The following PTPRD variants were observed in gnomAD, a reference collection of about 807,000 sequenced individuals.
PTPRD encodes the protein receptor-type tyrosine-protein phosphatase delta.
PTPRD carries 34 observed loss-of-function variants against 214.5 expected under a neutral mutation model. The observed-to-expected ratio is 0.16, with a 90% CI of 0.12 to 0.21. PTPRD has a LOEUF of 0.21. Among genes scored for constraint, PTPRD ranks in the 10% least tolerant of loss-of-function variants. PTPRD has a pLI of 1.00. For missense variants in PTPRD, 2,545 were observed against 2,398.7 expected (o/e 1.06, Z -1.27); for synonymous variants, 1,128 against 845.7 (o/e 1.33, Z -5.79).
intron 8 of PTPRD, among the ~76,000 whole-genome samples, chr9:9,561,868 T>C (rs879551397): frequency 6.6e-6 from 1 of 152,218 alleles, no homozygotes; most frequent in Non-Finnish European, 1.5e-5. Context: ...GAATGGCCCA[T>C]GGCTCAGACT....
intron 11 of PTPRD, among the ~76,000 whole-genome samples, chr9:8,928,762 A>ATC: frequency 6.6e-6 from 1 of 152,188 alleles, no homozygotes; most frequent in Non-Finnish European, 1.5e-5. Context: ...AAAGCACTGA[A>ATC]TCTATAAATT....
At chr9:8,953,566 A>G (rs1451876782) in intron 11 of PTPRD, among the ~76,000 whole-genome samples, 1 of 152,070 alleles carries the variant, frequency 6.6e-6, no homozygotes, top group East Asian at 1.9e-4. Flanking sequence ...GACAACCTAC[A>G]GAGTGGGAGA....
intron 9 of PTPRD, among the ~76,000 whole-genome samples, chr9:9,280,393 A>G (rs1947256516): frequency 1.3e-5 from 2 of 151,332 alleles, no homozygotes; most frequent in African/African-American, 4.8e-5. Flanking sequence ...ATAATCTACA[A>G]AAAAACTCTT....
chr9:9,476,726 A>AT (rs1488393718), intron 8 of PTPRD, among the ~76,000 whole-genome samples: 1 of 152,002 alleles, frequency 6.6e-6, no homozygotes, highest in Non-Finnish European at 1.5e-5. Flanking sequence ...CAAAGCACTG[A>AT]TTTTTATTTT....
intron 5 of PTPRD, among the ~76,000 whole-genome samples, chr9:9,856,589 C>T (rs1005919662): frequency 6.7e-6 from 1 of 149,652 alleles, no homozygotes; most frequent in Non-Finnish European, 1.5e-5. Flanking sequence ...TGACAATTCC[C>T]AGCAATCAGA....
intron 11 of PTPRD, among the ~76,000 whole-genome samples, chr9:8,881,214 C>A (rs925852067): frequency 8.5e-5 from 13 of 152,176 alleles, no homozygotes; most frequent in African/African-American, 2.4e-4. Context: ...TATTTGTTCC[C>A]TGATCTCACA....
At chr9:8,836,935 T>C (rs955304995) in intron 11 of PTPRD, among the ~76,000 whole-genome samples, 1 of 151,574 alleles carries the variant, frequency 6.6e-6, no homozygotes, top group Non-Finnish European at 1.5e-5. Flanking sequence ...CATCTCAAGC[T>C]AACCCCCCAA....
At chr9:9,119,257 G>A (rs1275991431) in intron 10 of PTPRD, among the ~76,000 whole-genome samples, 1 of 152,116 alleles carries the variant, frequency 6.6e-6, no homozygotes, top group Non-Finnish European at 1.5e-5. Context: ...CCAGTTAGTT[G>A]TTTTCCTAAA....
At chr9:9,094,849 C>A (rs2099781230) in intron 10 of PTPRD, among the ~76,000 whole-genome samples, 1 of 152,054 alleles carries the variant, frequency 6.6e-6, no homozygotes, top group African/African-American at 2.4e-5. Context: ...TCCCGACACC[C>A]AAATCAGGCA....
At chr9:8,582,915 G>C (rs1392545711) in intron 14 of PTPRD, among the ~76,000 whole-genome samples, 1 of 152,028 alleles carries the variant, frequency 6.6e-6, no homozygotes, top group Non-Finnish European at 1.5e-5. Flanking sequence ...TTCTATCTTA[G>C]GTAAATAAAG....
intron 11 of PTPRD, among the ~76,000 whole-genome samples, chr9:8,786,860 A>G (rs927685247): frequency 3.9e-5 from 6 of 152,134 alleles, no homozygotes; most frequent in Middle Eastern, 3.2e-3. Context: ...TATTTCAATT[A>G]TGATACCTAG....
chr9:9,018,918 A>C (rs2099547904), intron 10 of PTPRD, among the ~76,000 whole-genome samples, 183 bp from the exon 11 acceptor site: 1 of 152,184 alleles, frequency 6.6e-6, no homozygotes, highest in African/African-American at 2.4e-5. Context: ...AAGCAACTTA[A>C]AATGTTCCTT....
At chr9:8,404,256 G>A (rs1033872911) in intron 36 of PTPRD, among the ~76,000 whole-genome samples, 6 of 152,112 alleles carry the variant, frequency 3.9e-5, no homozygotes, top group East Asian at 3.9e-4. Context: ...AGCGTCCTGA[G>A]TAGCTGGGAT....
At chr9:9,029,288 A>G (rs1251482117) in intron 10 of PTPRD, among the ~76,000 whole-genome samples, 1 of 151,844 alleles carries the variant, frequency 6.6e-6, no homozygotes, top group Non-Finnish European at 1.5e-5. Flanking sequence ...TAACTGTTGG[A>G]AGGTTGAGAT....
At chr9:8,957,462 T>G (rs1204653103) in intron 11 of PTPRD, among the ~76,000 whole-genome samples, 1 of 151,786 alleles carries the variant, frequency 6.6e-6, no homozygotes, top group Non-Finnish European at 1.5e-5. Context: ...CTGTTCTGTT[T>G]TTGAAATGCT....
intron 9 of PTPRD, among the ~76,000 whole-genome samples, chr9:9,228,178 C>T (rs184368147): frequency 5.3e-4 from 81 of 152,128 alleles, no homozygotes; most frequent in African/African-American, 1.9e-3. Context: ...TAAATAATTG[C>T]TACTCTTATA....
chr9:9,496,956 T>A (rs1353543286), intron 8 of PTPRD, among the ~76,000 whole-genome samples: 1 of 152,164 alleles, frequency 6.6e-6, no homozygotes, highest in African/African-American at 2.4e-5. Context: ...CAACATGGAT[T>A]TTGAGGACAT....
At position 8,591,970 on chromosome 9, in the gene PTPRD, AGCT is replaced by A. The variant is rs1052861716; in HGVS notation, c.352+41344_352+41346del. On this transcript the variant is annotated intron_variant, in intron 14 of 45. Transcript: ENST00000381196. ...GAGAAAAAATAAATTTGGGGCAGCT[AGCT>A]GTTGGTTTTACAGAATTAATTCCAG... 4.1e-4 allele frequency among the ~76,000 whole-genome samples: 62 copies of A among 152,282 alleles called. 1 individual carries two copies. Among genetic ancestry groups the A allele is most frequent in the African/African-American group, 1.5e-3 (61 of 41,562 alleles).
At chr9:9,090,169 G>A (rs2099773493) in intron 10 of PTPRD, among the ~76,000 whole-genome samples, 1 of 151,960 alleles carries the variant, frequency 6.6e-6, no homozygotes, top group Non-Finnish European at 1.5e-5. Context: ...TTCCTATGTT[G>A]TATGTTTGTA....
Sources: gnomAD v4.1 joint callset for allele counts (sites outside exome capture counted in the v4.1 genomes callset) on GRCh38, gnomAD v4.1.1 for gene constraint, MANE v1.5 for transcripts, NCBI Gene and HGNC (gene_info 2026-07-23, HGNC 2026-07-21) for gene names.